The following DENND1A variants were observed in gnomAD, a reference collection of about 807,000 sequenced individuals.
DENND1A encodes the protein DENN domain-containing protein 1A.
Under a neutral mutation model 113.7 loss-of-function variants are expected in DENND1A, and 51 were observed. The ratio of observed to expected loss-of-function variants is 0.45; its 90% CI spans 0.36 to 0.57. The LOEUF is 0.57. DENND1A is among the 20% of genes least tolerant of loss of function. DENND1A has a pLI of 0.00. For missense variants in DENND1A, 1,258 were observed against 1,395.9 expected (o/e 0.90, Z 1.57); for synonymous variants, 565 against 570.8 (o/e 0.99, Z 0.14).
intron 4 of DENND1A, chr9:123,759,864 CT>C (rs1271469482): frequency 6.6e-6 from 1 of 152,130 alleles, no homozygotes; most frequent in African/African-American, 2.4e-5. Context: ...ATAGAATTTG[CT>C]TTTTACCTTT....
At chr9:123,882,257 C>A (rs73669009) in intron 1 of DENND1A, among the ~76,000 whole-genome samples, 2 of 149,864 alleles carry the variant, frequency 1.3e-5, no homozygotes, top group Non-Finnish European at 3.0e-5. Context: ...GAGAGGCCAA[C>A]GCAGGAGGAT....
chr9:123,482,658 A>G (rs913430015), intron 13 of DENND1A, among the ~76,000 whole-genome samples: 1 of 152,248 alleles, frequency 6.6e-6, no homozygotes, highest in African/African-American at 2.4e-5. Context: ...AAGCAGCCCC[A>G]TAAAGGAACA....
chr9:123,383,407 C>G (rs1314582149), intron 23 of DENND1A, among the ~76,000 whole-genome samples: 2 of 152,188 alleles, frequency 1.3e-5, no homozygotes, highest in African/African-American at 4.8e-5. Context: ...GCCCCCCCGT[C>G]TGATGCACAC....
At position 123,458,687 on chromosome 9, in the gene DENND1A, C is replaced by T. The variant is rs142753950; in HGVS notation, c.994-790G>A. On this transcript the variant is annotated intron_variant, in intron 13 of 23. Coordinates refer to ENST00000394215, the MANE Select transcript of DENND1A (RefSeq NM_001352964.2). ...GCAGAAGCAGCCCTGCTAGGCCAGG[C>T]GCGGTGGCTCATGCCTGTAATCCCA... is the stretch of plus-strand genomic sequence containing the variant. Among the ~76,000 whole-genome samples, 703 of 152,306 alleles carry T rather than the reference C, an allele frequency of 4.6e-3. 9 individuals are homozygous for T. Among genetic ancestry groups the T allele is most frequent in the African/African-American group, 0.016 (661 of 41,572 alleles).
intron 2 of DENND1A, among the ~76,000 whole-genome samples, chr9:123,855,584 C>T (rs538809223): frequency 6.6e-6 from 1 of 152,112 alleles, no homozygotes; most frequent in Non-Finnish European, 1.5e-5. Flanking sequence ...GATGAGGAGC[C>T]TTCTGTGCCA....
intron 10 of DENND1A, among the ~76,000 whole-genome samples, chr9:123,611,318 A>G (rs1418619826): frequency 6.6e-6 from 1 of 152,198 alleles, no homozygotes; most frequent in Non-Finnish European, 1.5e-5. Context: ...ACAAATGCTC[A>G]AACTTCCCAG....
intron 11 of DENND1A, among the ~76,000 whole-genome samples, chr9:123,594,209 TAC>T: frequency 6.6e-6 from 1 of 152,328 alleles, no homozygotes; most frequent in Admixed American, 6.5e-5. Flanking sequence ...CAGCCAATGT[TAC>T]AGAGGCCTGT....
chr9:123,464,166 T>A (rs530480332), intron 13 of DENND1A, among the ~76,000 whole-genome samples: 14 of 152,278 alleles, frequency 9.2e-5, no homozygotes, highest in Non-Finnish European at 2.1e-4. Flanking sequence ...CTTACTATGG[T>A]CTAGGCTCTG....
At chr9:123,588,178 G>A (rs2059273451) in intron 11 of DENND1A, among the ~76,000 whole-genome samples, 1 of 151,090 alleles carries the variant, frequency 6.6e-6, no homozygotes, top group Non-Finnish European at 1.5e-5. Context: ...GGGAGGCTGA[G>A]GTAGGAGAAT....
At chr9:123,647,945 T>G (rs1455919461) in intron 9 of DENND1A, among the ~76,000 whole-genome samples, 1 of 152,174 alleles carries the variant, frequency 6.6e-6, no homozygotes, top group African/African-American at 2.4e-5. Flanking sequence ...AATTGCTGAG[T>G]GATGGGCATA....
intron 1 of DENND1A, among the ~76,000 whole-genome samples, chr9:123,897,032 A>G (rs946180134): frequency 4.6e-5 from 7 of 152,216 alleles, no homozygotes; most frequent in African/African-American, 1.7e-4. Flanking sequence ...ACATTCACAC[A>G]TTTAAAAGGA....
chr9:123,462,944 C>A (rs1041280420), intron 13 of DENND1A, among the ~76,000 whole-genome samples: 10 of 152,130 alleles, frequency 6.6e-5, no homozygotes, highest in African/African-American at 2.4e-4. Flanking sequence ...GGTGAGGTGC[C>A]AAGCCACTCC....
intron 15 of DENND1A, among the ~76,000 whole-genome samples, chr9:123,455,197 C>T (rs2048025210): frequency 1.3e-5 from 2 of 152,176 alleles, no homozygotes; most frequent in African/African-American, 4.8e-5. Flanking sequence ...GAGGCGGCAG[C>T]GAGTCACTGC....
chr9:123,685,401 T>A lies in DENND1A; in HGVS notation c.303-8612A>T, dbSNP rs117984673. Among the ~76,000 whole-genome samples the A allele has an allele frequency of 3.1e-3, 477 of 152,368 alleles. 2 individuals are homozygous for A. The highest frequency in any genetic ancestry group is 0.031 in the Middle Eastern group (9 of 294). On this transcript the variant is annotated intron_variant, in intron 5 of 23. Coordinates refer to ENST00000394215, the MANE Select transcript of DENND1A (RefSeq NM_001352964.2). ...TATGTCCATAATTAATGTCCCATTG[T>A]GATACCTATTATATCTATGCAGGAA...
chr9:123,613,177 C>G (rs560378108), intron 10 of DENND1A, among the ~76,000 whole-genome samples: 1 of 152,308 alleles, frequency 6.6e-6, no homozygotes. Flanking sequence ...TCACTCTCGT[C>G]AGGAGGGTGC....
At chr9:123,719,567 C>G (rs2067201828) in intron 5 of DENND1A, among the ~76,000 whole-genome samples, 1 of 152,110 alleles carries the variant, frequency 6.6e-6, no homozygotes, top group Non-Finnish European at 1.5e-5. Context: ...ATACCAGGCT[C>G]AGTTAAATCG....
chr9:123,388,905 C>T (rs1293476451), intron 21 of DENND1A, among the ~76,000 whole-genome samples: 1 of 152,188 alleles, frequency 6.6e-6, no homozygotes, highest in African/African-American at 2.4e-5. Flanking sequence ...GTTCCACACC[C>T]CTGCCCCATT....
chr9:123,545,214 T>C (rs2056580105), intron 13 of DENND1A, among the ~76,000 whole-genome samples: 1 of 152,150 alleles, frequency 6.6e-6, no homozygotes, highest in South Asian at 2.1e-4. Context: ...TCCACTGTCT[T>C]CTGGAGAAGG....
At chr9:123,479,852 C>T (rs1037756013) in intron 13 of DENND1A, among the ~76,000 whole-genome samples, 2 of 152,232 alleles carry the variant, frequency 1.3e-5, no homozygotes, top group Non-Finnish European at 2.9e-5. Context: ...TAGACGCTAA[C>T]TGCAGGGTGA....
Sources: gnomAD v4.1 joint callset for allele counts (sites outside exome capture counted in the v4.1 genomes callset) on GRCh38, gnomAD v4.1.1 for gene constraint, MANE v1.5 for transcripts, NCBI Gene and HGNC (gene_info 2026-07-23, HGNC 2026-07-21) for gene names.